The following KIF15 variants were observed in gnomAD, a reference collection of about 807,000 sequenced individuals.
KIF15 encodes the protein kinesin-like protein KIF15.
KIF15 carries 140 observed loss-of-function variants against 190.6 expected under a neutral mutation model. That is an observed-to-expected ratio of 0.73 (90% confidence interval 0.64 to 0.84). KIF15 has a LOEUF of 0.84. Among genes scored for constraint, KIF15 ranks in the 40% least tolerant of loss-of-function variants. KIF15 has a pLI of 0.00. For synonymous variants in KIF15, 528 were observed against 551.3 expected (o/e 0.96, Z 0.59); for missense variants, 1,372 against 1,584.4 (o/e 0.87, Z 2.28).
rs1424425953 is a variant in KIF15 at position 44,840,455 on chromosome 3, A to G, written c.3419A>G (p.Gln1140Arg). Reference sequence around the variant, plus strand: ...ATGGATTCTGCTGCTGAGGATCCCCAGGTACTTTTCAGAAAAAGATTATTT... The same window carrying G: ...ATGGATTCTGCTGCTGAGGATCCCCGGGTACTTTTCAGAAAAAGATTATTT... ...HVMDSAAEDPQSPKTPPHFQT... is the reference protein window; with the variant it reads ...HVMDSAAEDPRSPKTPPHFQT... Residue 1140 changes from glutamine (Q) to arginine (R), a missense_variant and splice_region_variant, in exon 28 of 35, where the codon CAG (glutamine) becomes CGG (arginine). Physicochemically the swap from Gln to Arg is conservative, Grantham distance 43. Coordinates refer to ENST00000326047, the MANE Select transcript of KIF15 (RefSeq NM_020242.3). 1 of 1,582,244 alleles carries G rather than the reference A, an allele frequency of 6.3e-7. No individual in the cohort carries two copies. The highest frequency in any genetic ancestry group is 2.2e-5 in the East Asian group (1 of 44,628).
At chr3:44,815,574 T>G (rs1482814431) in intron 20 of KIF15, among the ~76,000 whole-genome samples, 1 of 152,188 alleles carries the variant, frequency 6.6e-6, no homozygotes, top group Admixed American at 6.5e-5. Flanking sequence ...AAAGGTGTGC[T>G]CTTACTAGAA....
At position 44,830,499 on chromosome 3, in the gene KIF15, C is replaced by T. The variant is rs573864382; in HGVS notation, c.3049-397C>T. Among the ~76,000 whole-genome samples, 8 of 152,282 alleles carry T rather than the reference C, an allele frequency of 5.3e-5. No individual in the cohort carries two copies. The South Asian group carries it at 1.5e-3, about 28-fold the overall frequency. Reference sequence around the variant, plus strand: ...ATTAATTAGAAAGTGAGTTCGTTTCCGCAATATTGGACATAATATCATTTC... The same window carrying T: ...ATTAATTAGAAAGTGAGTTCGTTTCTGCAATATTGGACATAATATCATTTC... On this transcript the variant is annotated intron_variant, in intron 25 of 34. Transcript: ENST00000326047.
chr3:44,786,009 G>A (rs1174539761), intron 6 of KIF15, among the ~76,000 whole-genome samples: 5 of 152,148 alleles, frequency 3.3e-5, no homozygotes, highest in Non-Finnish European at 7.4e-5. Context: ...GAGGTCAGGA[G>A]ATCGAGACCA....
At chr3:44,829,469 TATATA>T (rs1378245547) in intron 24 of KIF15, among the ~76,000 whole-genome samples, 6 of 134,666 alleles carry the variant, frequency 4.5e-5, no homozygotes, top group Non-Finnish European at 6.1e-5. Flanking sequence ...AATATATATG[TATATA>T]ATATGTGTAT....
intron 29 of KIF15, among the ~76,000 whole-genome samples, 156 bp downstream of exon 29, chr3:44,841,394 TTTTTTTTTTTG>T (rs1698596184): frequency 6.6e-6 from 1 of 151,752 alleles, no homozygotes; most frequent in Non-Finnish European, 1.5e-5. Context: ...AAATTTAATT[TTTTTTTTTTTG>T]TTTTTTTTTT....
At chr3:44,864,023 G>A (rs1339182676) in intron 6 of KIF15, 7 of 643,964 alleles carry the variant, frequency 1.1e-5, no homozygotes, top group Middle Eastern at 4.4e-4. Flanking sequence ...TGGGTCTGCT[G>A]CCCACTGAGG....
intron 31 of KIF15, 56 bp from the exon 32 acceptor site, chr3:44,848,465 A>G: frequency 2.6e-6 from 2 of 782,968 alleles, no homozygotes; most frequent in Non-Finnish European, 4.1e-6. Flanking sequence ...TTTTTAAGCA[A>G]TGTTATTTAA....
intron 28 of KIF15, 35 bp from the exon 29 acceptor site, chr3:44,841,039 A>G: frequency 6.5e-7 from 1 of 1,542,592 alleles, no homozygotes; most frequent in Non-Finnish European, 8.8e-7. Context: ...ATATCACTTA[A>G]TTGGATATTT....
intron 23 of KIF15, 118 bp from the exon 24 acceptor site, chr3:44,828,096 G>C (rs547112038): frequency 1.5e-6 from 1 of 649,486 alleles, no homozygotes; most frequent in Non-Finnish European, 2.7e-6. Context: ...TCATTTTCAA[G>C]TATTACTCCT....
Position 44,838,382 on chromosome 3 carries a change from G to A in KIF15, c.3279G>A (p.Leu1093=). The change falls in exon 27 of 35, where the codon CTG becomes CTA. Residue 1093 remains leucine (L), a synonymous_variant. Transcript: ENST00000326047. ...SGLLQSAQEE[L]TKKEALIQEL... ...TGCTGCAGTCTGCCCAGGAAGAACT[G>A]ACCAAGAAGGAAGCCCTGATTCAGG... 6.2e-7 allele frequency: 1 copy of A among 1,613,830 alleles called. No individual in the cohort carries two copies. The highest frequency in any genetic ancestry group is 8.5e-7 in the Non-Finnish European group (1 of 1,179,932).
At chr3:44,789,184 T>C (rs1414633682) in intron 7 of KIF15, among the ~76,000 whole-genome samples, 1 of 152,182 alleles carries the variant, frequency 6.6e-6, no homozygotes, top group Non-Finnish European at 1.5e-5. Flanking sequence ...CGTTGGCATT[T>C]CTTTTGTGAT....
intron 16 of KIF15, 73 bp from the exon 17 acceptor site, chr3:44,810,773 C>A: frequency 1.6e-6 from 2 of 1,216,616 alleles, no homozygotes; most frequent in Non-Finnish European, 2.3e-6. Flanking sequence ...TTTATCCTCT[C>A]TATTCACAAA....
In KIF15 at chr3:44,852,025, A is replaced by G. The variant is rs1455715063; in HGVS notation, c.3972+73A>G. Reference sequence around the variant, plus strand: ...AATAGAACTAATTAGCGTAAAACTCACTTTGTGATTGGGTGTCCTTAGTTC... The same window carrying G: ...AATAGAACTAATTAGCGTAAAACTCGCTTTGTGATTGGGTGTCCTTAGTTC... On this transcript the variant is annotated intron_variant, in intron 33 of 34. Coordinates refer to ENST00000326047, the MANE Select transcript of KIF15 (RefSeq NM_020242.3). 1.4e-5 allele frequency: 22 copies of G among 1,518,996 alleles called. No individual in the cohort carries two copies. In the African/African-American group the frequency reaches 1.7e-4, roughly 12 times the overall value. The allele number at this position is 1,518,996 out of a possible 1,614,324, so 94.1% of individuals were successfully genotyped here.
At chr3:44,823,834 A>G (rs1178189685) in intron 20 of KIF15, among the ~76,000 whole-genome samples, 1 of 152,190 alleles carries the variant, frequency 6.6e-6, no homozygotes, top group African/African-American at 2.4e-5. Context: ...GCGGGATATA[A>G]TCTTCTGGTA....
chr3:44,821,680 T>C (rs540068276), intron 20 of KIF15, among the ~76,000 whole-genome samples: 1 of 143,328 alleles, frequency 7.0e-6, no homozygotes, highest in South Asian at 2.3e-4. Flanking sequence ...TCCCAGATGA[T>C]GGGCGGCCAG....
At position 44,797,588 on chromosome 3, in the gene KIF15, G is replaced by A; in HGVS notation, c.887G>A (p.Gly296Asp). 1 of 1,614,056 alleles carries A rather than the reference G, an allele frequency of 6.2e-7. No homozygotes were observed. Among genetic ancestry groups the A allele is most frequent in the Non-Finnish European group, 8.5e-7 (1 of 1,179,998 alleles). The change falls in exon 9 of 35, where the codon GGC (glycine) becomes GAC (aspartate). Residue 296 changes from glycine to aspartate, a missense_variant. Coordinates refer to ENST00000326047, the MANE Select transcript of KIF15 (RefSeq NM_020242.3). ...ATAAATCGATCATTGAGCTGCCTGG[G>A]CCAAGTGATTACAGCACTTGTCGAC... ...GNINRSLSCL[G>D]QVITALVDVG...
At position 44,777,273 on chromosome 3, in the gene KIF15, C is replaced by T. The variant is rs113358759; in HGVS notation, c.247-842C>T. Among the ~76,000 whole-genome samples, 527 of 152,242 alleles carry T rather than the reference C, an allele frequency of 3.5e-3. 4 individuals carry two copies. The highest frequency in any genetic ancestry group is 0.012 in the African/African-American group (502 of 41,548). ...TTGGCTTCCCTAAGTGCTAGGATTA[C>T]AGGTGTGAGCCACTTCATGCAGCCC... On this transcript the variant is annotated intron_variant, in intron 3 of 34. Coordinates refer to ENST00000326047, the MANE Select transcript of KIF15 (RefSeq NM_020242.3).
chr3:44,768,266 C>A (rs1008056901), intron 1 of KIF15, among the ~76,000 whole-genome samples: 11 of 151,114 alleles, frequency 7.3e-5, no homozygotes, highest in Non-Finnish European at 1.0e-4. Flanking sequence ...GAGCAAGACT[C>A]CGTCTCAAAA....
At chr3:44,801,409 T>C (rs1707271839) in intron 11 of KIF15, 41 bp from the exon 12 acceptor site, 1 of 1,213,694 alleles carries the variant, frequency 8.2e-7, no homozygotes, top group East Asian at 2.3e-5. Flanking sequence ...ATGTGATAAA[T>C]ATTTTTTTTC....
Sources: allele counts gnomAD v4.1 joint callset (sites outside exome capture counted in the v4.1 genomes callset), GRCh38; gene constraint gnomAD v4.1.1; transcripts MANE v1.5; gene names NCBI Gene and HGNC (gene_info 2026-07-23, HGNC 2026-07-21).